FBXL7: variants seen among roughly 807,000 people sequenced by gnomAD.
The protein encoded by FBXL7 is F-box/LRR-repeat protein 7.
In FBXL7, 12 loss-of-function variants were observed where a neutral mutation model predicts 38.3. That is an observed-to-expected ratio of 0.31 (90% CI 0.20 to 0.51). The LOEUF (loss-of-function observed/expected upper bound fraction) is 0.51. Ranked by LOEUF, FBXL7 falls within the 20% of genes least tolerant of loss-of-function variation. The pLI is 0.98. For synonymous variants in FBXL7, 297 were observed against 300.9 expected, an observed-to-expected ratio of 0.99 and a Z score of 0.13; for missense variants, 567 against 676.4, an observed-to-expected ratio of 0.84 and a Z score of 1.79.
chr5:15,657,696 G>T (rs1741927391), intron 2 of FBXL7, among the ~76,000 whole-genome samples: 1 of 152,080 alleles, frequency 6.6e-6, no homozygotes, highest in South Asian at 2.1e-4. Flanking sequence ...AAATTATCTG[G>T]CTGTGGTGGT....
intron 2 of FBXL7, among the ~76,000 whole-genome samples, chr5:15,849,675 T>C (rs1354380426): frequency 6.6e-6 from 1 of 152,214 alleles, no homozygotes; most frequent in Non-Finnish European, 1.5e-5. Context: ...TTACCCAGTC[T>C]CAGGTGTGTC....
At chr5:15,658,711 G>A (rs1286482622) in intron 2 of FBXL7, among the ~76,000 whole-genome samples, 1 of 152,090 alleles carries the variant, frequency 6.6e-6, no homozygotes, top group African/African-American at 2.4e-5. Context: ...GTATGTGACT[G>A]GGGGCTGCAT....
At chr5:15,879,902 C>T (rs771858245) in intron 2 of FBXL7, among the ~76,000 whole-genome samples, 2 of 152,076 alleles carry the variant, frequency 1.3e-5, no homozygotes, top group Non-Finnish European at 2.9e-5. Flanking sequence ...TTTCTAAATC[C>T]ATATGAATTA....
At chr5:15,632,775 C>A (rs538681671) in intron 2 of FBXL7, among the ~76,000 whole-genome samples, 3 of 152,216 alleles carry the variant, frequency 2.0e-5, no homozygotes, top group African/African-American at 7.2e-5. Context: ...GGATCAAAAA[C>A]CAAATACTGT....
At chr5:15,631,878 AC>A (rs200660072) in intron 2 of FBXL7, among the ~76,000 whole-genome samples, 3,071 of 152,076 alleles carry the variant, frequency 0.02, 41 homozygotes, top group Admixed American at 0.029. Flanking sequence ...AACATGGAGG[AC>A]CTAACATGTT....
intron 1 of FBXL7, among the ~76,000 whole-genome samples, chr5:15,537,531 C>A (rs1331002254): frequency 6.6e-6 from 1 of 152,206 alleles, no homozygotes; most frequent in African/African-American, 2.4e-5. Flanking sequence ...CCGTTCTTCC[C>A]CATCCCCTGC....
intron 2 of FBXL7, among the ~76,000 whole-genome samples, chr5:15,737,655 G>A (rs886619595): frequency 5.9e-5 from 9 of 152,080 alleles, no homozygotes; most frequent in Admixed American, 1.3e-4. Context: ...AATACCCTGC[G>A]CTTCATGGTA....
At chr5:15,743,298 A>G (rs1181484976) in intron 2 of FBXL7, among the ~76,000 whole-genome samples, 1 of 152,234 alleles carries the variant, frequency 6.6e-6, no homozygotes, top group African/African-American at 2.4e-5. Flanking sequence ...TACTTCCTAG[A>G]TACAATAGGG....
intron 2 of FBXL7, among the ~76,000 whole-genome samples, chr5:15,790,936 T>A (rs1737257559): frequency 6.6e-6 from 1 of 152,110 alleles, no homozygotes; most frequent in Admixed American, 6.5e-5. Flanking sequence ...CTTCTTAAAG[T>A]CCTTTTGGTC....
At chr5:15,874,460 A>G (rs1055570359) in intron 2 of FBXL7, among the ~76,000 whole-genome samples, 5 of 152,222 alleles carry the variant, frequency 3.3e-5, no homozygotes, top group African/African-American at 1.2e-4. Context: ...TCAAATAGGA[A>G]GAGATGAAGT....
chr5:15,937,015 C>T lies in FBXL7; in HGVS notation c.1305C>T (p.Leu435=). 2 of 1,614,014 alleles carry T rather than the reference C, an allele frequency of 1.2e-6. No homozygotes were observed. Among genetic ancestry groups the T allele is most frequent in the African/African-American group, 2.7e-5 (2 of 75,060 alleles). Reference sequence around the variant, plus strand: ...GCTTCAACCTCAAGCGGCTCAGCCTCAAGTCCTGCGAGAGCATCACCGGCC... The same window carrying T: ...GCTTCAACCTCAAGCGGCTCAGCCTTAAGTCCTGCGAGAGCATCACCGGCC... ...LNCFNLKRLS[L]KSCESITGQG... is the part of the protein sequence containing the mutation. Residue 435 remains leucine, a synonymous_variant, in exon 4 of 4, where the codon CTC becomes CTT. Transcript: ENST00000504595.
intron 2 of FBXL7, among the ~76,000 whole-genome samples, chr5:15,722,345 T>C (rs116497634): frequency 6.6e-6 from 1 of 152,142 alleles, no homozygotes; most frequent in Non-Finnish European, 1.5e-5. Context: ...ACCTATATTG[T>C]CCTATACTGA....
intron 2 of FBXL7, among the ~76,000 whole-genome samples, chr5:15,792,784 G>A (rs1199657072): frequency 6.6e-6 from 1 of 152,166 alleles, no homozygotes; most frequent in East Asian, 1.9e-4. Flanking sequence ...GAGAAGCAGT[G>A]GAGGGATGAG....
At chr5:15,924,942 T>C (rs931784582) in intron 2 of FBXL7, among the ~76,000 whole-genome samples, 4 of 152,174 alleles carry the variant, frequency 2.6e-5, no homozygotes, top group Non-Finnish European at 5.9e-5. Flanking sequence ...TAGTGAGGCA[T>C]GTTCTCCTCA....
chr5:15,518,396 G>A (rs1737004628), intron 1 of FBXL7, among the ~76,000 whole-genome samples: 1 of 152,158 alleles, frequency 6.6e-6, no homozygotes, highest in Non-Finnish European at 1.5e-5. Flanking sequence ...GTTTGTTTTG[G>A]ACCTGGCAGG....
chr5:15,915,042 T>C (rs1741545708), intron 2 of FBXL7, among the ~76,000 whole-genome samples: 1 of 152,234 alleles, frequency 6.6e-6, no homozygotes, highest in Non-Finnish European at 1.5e-5. Context: ...GAGTGATGAC[T>C]GAAAATTCAT....
intron 2 of FBXL7, among the ~76,000 whole-genome samples, chr5:15,873,044 C>T (rs771689029): frequency 3.9e-5 from 6 of 152,142 alleles, no homozygotes; most frequent in South Asian, 2.1e-4. Context: ...AAACACTCCT[C>T]GGCAAATGCA....
At chr5:15,500,748 G>A in intron 1 of FBXL7, 35 bp downstream of exon 1, 1 of 1,599,794 alleles carries the variant, frequency 6.3e-7, no homozygotes, top group Non-Finnish European at 8.5e-7. Flanking sequence ...CTCCCGGATC[G>A]CGTCCCTCCT....
At chr5:15,842,524 T>A (rs1738777687) in intron 2 of FBXL7, among the ~76,000 whole-genome samples, 1 of 152,150 alleles carries the variant, frequency 6.6e-6, no homozygotes, top group Admixed American at 6.5e-5. Flanking sequence ...AAGGCATGAT[T>A]GGTTTTGAAA....
Sources: gnomAD v4.1 joint callset for allele counts (sites outside exome capture counted in the v4.1 genomes callset) on GRCh38, gnomAD v4.1.1 for gene constraint, MANE v1.5 for transcripts, NCBI Gene and HGNC (gene_info 2026-07-23, HGNC 2026-07-21) for gene names.